SLC35D4: variants seen among roughly 807,000 people sequenced by gnomAD.
The protein encoded by SLC35D4 is solute carrier family 35 member D4.
chr18:23,373,713 T>C, the SLC35D4 span: 5 of 1,613,714 alleles, frequency 3.1e-6, no homozygotes, highest in South Asian at 2.2e-5. Flanking sequence ...TGGACTTACC[T>C]GGGAGTCATT....
At chr18:23,255,686 A>G in the SLC35D4 span, among the ~76,000 whole-genome samples, 1 of 151,656 alleles carries the variant, frequency 6.6e-6, no homozygotes, top group African/African-American at 2.4e-5. Context: ...CCGCCTCCCA[A>G]GTAGCTGGAA....
the SLC35D4 span, among the ~76,000 whole-genome samples, chr18:23,266,790 C>T: frequency 6.6e-6 from 1 of 152,248 alleles, no homozygotes; most frequent in Non-Finnish European, 1.5e-5. Context: ...CTCACCTGGA[C>T]AGCTGCCCTC....
the SLC35D4 span, among the ~76,000 whole-genome samples, chr18:23,350,943 G>A: frequency 6.6e-6 from 1 of 152,040 alleles, no homozygotes; most frequent in Non-Finnish European, 1.5e-5. Context: ...GCATATATTT[G>A]GTCAATTTTT....
the SLC35D4 span, among the ~76,000 whole-genome samples, chr18:23,280,848 C>G: frequency 6.6e-6 from 1 of 152,128 alleles, no homozygotes; most frequent in Non-Finnish European, 1.5e-5. Context: ...CCATGCCCCC[C>G]CGTCTCCTCT....
At chr18:23,420,464 C>T in the SLC35D4 span, among the ~76,000 whole-genome samples, 178 of 152,022 alleles carry the variant, frequency 1.2e-3, 2 homozygotes, top group East Asian at 0.024. Context: ...GCCTTGACCT[C>T]CCAGGCTGAG....
At chr18:23,386,112 G>A in the SLC35D4 span, among the ~76,000 whole-genome samples, 4 of 127,062 alleles carry the variant, frequency 3.1e-5, no homozygotes, top group South Asian at 5.1e-4. Flanking sequence ...GTGACAGAGC[G>A]AGACTCTGTC....
At chr18:23,420,172 G>T in the SLC35D4 span, among the ~76,000 whole-genome samples, 1 of 151,896 alleles carries the variant, frequency 6.6e-6, no homozygotes, top group African/African-American at 2.4e-5. Flanking sequence ...GCGTGGTGGC[G>T]CATGCCTGTA....
chr18:23,243,564 CAA>C, the SLC35D4 span, among the ~76,000 whole-genome samples: 1 of 144,916 alleles, frequency 6.9e-6, no homozygotes, highest in Non-Finnish European at 1.5e-5. Context: ...GCCTCTTTTA[CAA>C]TTCATTTTTT....
At chr18:23,335,294 T>C in the SLC35D4 span, among the ~76,000 whole-genome samples, 863 of 152,320 alleles carry the variant, frequency 5.7e-3, 8 homozygotes, top group Non-Finnish European at 4.7e-3. Context: ...CTTTCTATCA[T>C]TGATGCATCC....
the SLC35D4 span, among the ~76,000 whole-genome samples, chr18:23,242,962 A>G: frequency 1.3e-5 from 2 of 151,898 alleles, no homozygotes; most frequent in Non-Finnish European, 2.9e-5. Flanking sequence ...TCAGCCTTCC[A>G]TGAGGTAGGT....
the SLC35D4 span, among the ~76,000 whole-genome samples, chr18:23,437,356 C>A: frequency 2.6e-5 from 4 of 152,160 alleles, no homozygotes; most frequent in African/African-American, 9.7e-5. Context: ...ACGGCTTAAT[C>A]TCTTCTATTT....
chr18:23,321,889 A>G, the SLC35D4 span, among the ~76,000 whole-genome samples: 4 of 152,206 alleles, frequency 2.6e-5, no homozygotes, highest in African/African-American at 9.6e-5. Context: ...GAACTTTATC[A>G]AGGGCACACA....
chr18:23,251,273 C>T, the SLC35D4 span, among the ~76,000 whole-genome samples: 1 of 151,936 alleles, frequency 6.6e-6, no homozygotes, highest in East Asian at 1.9e-4. Flanking sequence ...GCCAACATGG[C>T]GAACCCCCAT....
the SLC35D4 span, among the ~76,000 whole-genome samples, chr18:23,294,991 A>G: frequency 6.6e-6 from 1 of 152,110 alleles, no homozygotes; most frequent in African/African-American, 2.4e-5. Context: ...GCACTTGGAA[A>G]GACAGGTATA....
At chr18:23,359,696 T>A in the SLC35D4 span, among the ~76,000 whole-genome samples, 1 of 152,178 alleles carries the variant, frequency 6.6e-6, no homozygotes, top group Non-Finnish European at 1.5e-5. Context: ...TGCTGCTTGC[T>A]CTGTCTCACA....
At chr18:23,364,902 C>CAAAAAAAAAAAAA in the SLC35D4 span, among the ~76,000 whole-genome samples, 8 of 31,874 alleles carry the variant, frequency 2.5e-4, no homozygotes, top group Admixed American at 6.6e-4. Context: ...GACTCTGTCT[C>CAAAAAAAAAAAAA]AAAAAAAAAA....
chr18:23,253,514 A>G, the SLC35D4 span, among the ~76,000 whole-genome samples: 23 of 152,306 alleles, frequency 1.5e-4, no homozygotes, highest in African/African-American at 5.5e-4. Context: ...AACATGTTTT[A>G]TACGACCTGA....
the SLC35D4 span, among the ~76,000 whole-genome samples, chr18:23,411,546 A>AAAGAAAGAAAGAAAGAAAGAAAGG: frequency 3.4e-5 from 5 of 148,886 alleles, no homozygotes; most frequent in Non-Finnish European, 7.5e-5. Flanking sequence ...AGAAAGAAAG[A>AAAGAAAGAAAGAAAGAAAGAAAGG]AAGAAAGGTG....
At chr18:23,286,595 C>CA in the SLC35D4 span, among the ~76,000 whole-genome samples, 2 of 151,994 alleles carry the variant, frequency 1.3e-5, no homozygotes. Flanking sequence ...GTAACTCTCA[C>CA]AGTGGAGGGT....
Sources: allele counts gnomAD v4.1 joint callset (sites outside exome capture counted in the v4.1 genomes callset), GRCh38; gene constraint gnomAD v4.1.1; transcripts MANE v1.5; gene names NCBI Gene and HGNC (gene_info 2026-07-23, HGNC 2026-07-21).